The following NANOG variants were observed in gnomAD, a reference collection of about 807,000 sequenced individuals.
The protein encoded by NANOG is Nanog homeobox, also known as homeobox protein NANOG.
A neutral mutation model predicts 17.7 loss-of-function variants in NANOG; 2 were observed. The ratio of observed to expected loss-of-function variants is 0.11; its 90% CI spans 0.05 to 0.36. NANOG has a LOEUF of 0.36. Among genes scored for constraint, NANOG ranks in the 10% least tolerant of loss-of-function variants. The pLI is 1.00. For missense variants in NANOG, 174 were observed against 362.1 expected (o/e 0.48, Z 4.22); for synonymous variants, 81 against 124.7 (o/e 0.65, Z 2.33).
chr12:7,797,114 G>A lies in NANOG; in HGVS notation c.*2019G>A, dbSNP rs12821644. On this transcript the variant is annotated 3_prime_UTR_variant, in exon 4 of 4. Transcript: ENST00000229307. The stretch of plus-strand genomic sequence containing the variant: ...CTATTGCCCAGGCTGGAGTGCAGTG[G>A]CACAATCTTGGCTCACTGCAACCTC... The A allele has an allele frequency of 0.66, 100,544 of 151,518 alleles. 35,763 individuals carry two copies. The highest frequency in any genetic ancestry group is 0.8 in the Non-Finnish European group (54,155 of 68,032). The allele number at this position is 151,518 out of a possible 1,614,324, so 9.4% of individuals were successfully genotyped here.
chr12:7,791,937 C>T (rs1218238676), intron 1 of NANOG, among the ~76,000 whole-genome samples: 3 of 152,158 alleles, frequency 2.0e-5, no homozygotes, highest in Non-Finnish European at 4.4e-5. Flanking sequence ...CACTCTGTCA[C>T]CCAGGCTGGA....
At position 7,793,012 on chromosome 12, in the gene NANOG, C is replaced by T. The variant is rs778623133; in HGVS notation, c.214C>T (p.Pro72Ser). 22 of 1,609,258 alleles carry T rather than the reference C, an allele frequency of 1.4e-5. No individual in the cohort carries two copies. The South Asian group carries it at 2.4e-4, about 18-fold the overall frequency. Reference sequence around the variant, plus strand: ...GGACAGCCCTGATTCTTCCACCAGTCCCAAAGGCAAACAACCCACTTCTGC... The same window carrying T: ...GGACAGCCCTGATTCTTCCACCAGTTCCAAAGGCAAACAACCCACTTCTGC... Reference protein sequence around the residue: ...IQDSPDSSTSPKGKQPTSAEK... With the variant: ...IQDSPDSSTSSKGKQPTSAEK... The change falls in exon 2 of 4, where the codon CCC becomes TCC. Residue 72 changes from proline (P) to serine (S), a missense_variant. Transcript: ENST00000229307.
In NANOG at chr12:7,790,888, G is replaced by A. The variant is rs113916992; in HGVS notation, c.151+1123G>A. Among the ~76,000 whole-genome samples the A allele has an allele frequency of 2.6e-3, 392 of 152,112 alleles. 1 individual carries two copies. The highest frequency in any genetic ancestry group is 8.8e-3 in the African/African-American group (364 of 41,512). On this transcript the variant is annotated intron_variant, in intron 1 of 3. Coordinates refer to ENST00000229307, the MANE Select transcript of NANOG (RefSeq NM_024865.4). ...CCTCCCAACTACTAGGACAAGAGGC[G>A]TGTGTCACTATGCCCAGCTAATTAA...
chr12:7,793,943 C>T (rs763706293), intron 2 of NANOG, among the ~76,000 whole-genome samples: 2 of 152,298 alleles, frequency 1.3e-5, no homozygotes, highest in South Asian at 2.1e-4. Flanking sequence ...TGGGGCTTCA[C>T]CATGTTGGCC....
At position 7,795,493 on chromosome 12, in the gene NANOG, T is replaced by C. The variant is rs1221229338; in HGVS notation, c.*398T>C. ...CCCGCCACCTCGCCCGGCTAATATT[T>C]TGTATTTTTAGTAGAGACGGGGTTT... On this transcript the variant is annotated 3_prime_UTR_variant, in exon 4 of 4. Coordinates refer to ENST00000229307, the MANE Select transcript of NANOG (RefSeq NM_024865.4). 1 of 240,480 alleles carries C rather than the reference T, an allele frequency of 4.2e-6. No individual in the cohort carries two copies. The highest frequency in any genetic ancestry group is 5.7e-5 in the Admixed American group (1 of 17,392). The allele number at this position is 240,480 out of a possible 1,614,324, so 14.9% of individuals were successfully genotyped here. A position where few individuals can be genotyped will look rare whatever the true frequency, so the allele number is the denominator to read the frequency against.
chr12:7,789,499 A>G lies in NANOG; in HGVS notation c.-116A>G, dbSNP rs1565475622. ...ACTCACTTTATCCCAATTTCTTGATACTTTTCCTTCTGGAGGTCCTATTTC... is the reference window on the plus strand; with the variant it reads ...ACTCACTTTATCCCAATTTCTTGATGCTTTTCCTTCTGGAGGTCCTATTTC... On this transcript the variant is annotated 5_prime_UTR_variant, in exon 1 of 4. In the 5' UTR this introduces an upstream ATG that the reference lacks. Transcript: ENST00000229307. The G allele has an allele frequency of 7.1e-6, 6 of 849,176 alleles. No individual in the cohort carries two copies. The highest frequency in any genetic ancestry group is 2.6e-5 in the East Asian group (1 of 38,472). 52.6% of individuals were successfully genotyped at this position (849,176 alleles called of 1,614,324 possible). A position where few individuals can be genotyped will look rare whatever the true frequency, so the allele number is the denominator to read the frequency against.
chr12:7,790,272 C>T (rs1314070957), intron 1 of NANOG, among the ~76,000 whole-genome samples: 3 of 152,300 alleles, frequency 2.0e-5, no homozygotes, highest in African/African-American at 4.8e-5. Flanking sequence ...ATGTCAGTAA[C>T]GGCTGTCTCT....
intron 2 of NANOG, 104 bp from the exon 3 acceptor site, chr12:7,794,336 GTGTTGGGATTACAGGCA>G: frequency 1.1e-6 from 1 of 919,528 alleles, no homozygotes; most frequent in Non-Finnish European, 1.7e-6. Flanking sequence ...GCCTTCCAAA[GTGTTGGGATTACAGGCA>G]TGAGATATGG....
At position 7,795,564 on chromosome 12, in the gene NANOG, A is replaced by G. The variant is rs28538179; in HGVS notation, c.*469A>G. The G allele has an allele frequency of 0.055, 2,880 of 52,504 alleles. 230 individuals carry two copies. Among genetic ancestry groups the G allele is most frequent in the East Asian group, 0.13 (370 of 2,924 alleles). 3.3% of individuals were successfully genotyped at this position (52,504 alleles called of 1,614,324 possible). A position where few individuals can be genotyped will look rare whatever the true frequency, so the allele number is the denominator to read the frequency against. ...TCTCGATCTCCTGACCTTGTGATCCACCCGCCTCGGCCTCCCTAACAGCTG... is the reference window on the plus strand; with the variant it reads ...TCTCGATCTCCTGACCTTGTGATCCGCCCGCCTCGGCCTCCCTAACAGCTG... On this transcript the variant is annotated 3_prime_UTR_variant, in exon 4 of 4. Coordinates refer to ENST00000229307, the MANE Select transcript of NANOG (RefSeq NM_024865.4).
chr12:7,797,058 C>A lies in NANOG; in HGVS notation c.*1963C>A. On this transcript the variant is annotated 3_prime_UTR_variant, in exon 4 of 4. Coordinates refer to ENST00000229307, the MANE Select transcript of NANOG (RefSeq NM_024865.4). ...TACAGGCGTGAGCCACTGCGCCTGG[C>A]CTATCGTTTGTTTTTTTAGACAGTC... 6.9e-6 allele frequency: 1 copy of A among 144,930 alleles called. No individual in the cohort carries two copies. Among genetic ancestry groups the A allele is most frequent in the Non-Finnish European group, 1.5e-5 (1 of 66,492 alleles). 9.0% of individuals were successfully genotyped at this position (144,930 alleles called of 1,614,324 possible).
Position 7,789,474 on chromosome 12 carries a change from A to G in NANOG, c.-141A>G. 7.4e-6 allele frequency: 5 copies of G among 678,896 alleles called. No homozygotes were observed. The highest frequency in any genetic ancestry group is 1.3e-5 in the Non-Finnish European group (5 of 398,922). 42.1% of individuals were successfully genotyped at this position (678,896 alleles called of 1,614,324 possible). A position where few individuals can be genotyped will look rare whatever the true frequency, so the allele number is the denominator to read the frequency against. ...GTTGCCTCATGTTATTATGCAGGCA[A>G]CTCACTTTATCCCAATTTCTTGATA... On this transcript the variant is annotated 5_prime_UTR_variant, in exon 1 of 4. Coordinates refer to ENST00000229307, the MANE Select transcript of NANOG (RefSeq NM_024865.4).
Position 7,789,718 on chromosome 12 carries a change from A to G in NANOG, c.104A>G (p.Tyr35Cys). 6.2e-7 allele frequency: 1 copy of G among 1,614,180 alleles called. No homozygotes were observed. The highest frequency in any genetic ancestry group is 8.5e-7 in the Non-Finnish European group (1 of 1,180,026). The change falls in exon 1 of 4, where the codon TAT becomes TGT. Residue 35 changes from tyrosine to cysteine, a missense_variant. This residue lies in a region of NANOG where 158 missense variants were observed against 244.2 expected (regional missense o/e 0.65). Coordinates refer to ENST00000229307, the MANE Select transcript of NANOG (RefSeq NM_024865.4). ...MPVICGPEENYPSLQMSSAEM... is the reference protein window; with the variant it reads ...MPVICGPEENCPSLQMSSAEM... Reference sequence around the variant, plus strand: ...GTGATTTGTGGGCCTGAAGAAAACTATCCATCCTTGCAAATGTCTTCTGCT... The same window carrying G: ...GTGATTTGTGGGCCTGAAGAAAACTGTCCATCCTTGCAAATGTCTTCTGCT...
chr12:7,789,792 G>C (rs748000673), intron 1 of NANOG, 27 bp downstream of exon 1: 14 of 1,608,234 alleles, frequency 8.7e-6, no homozygotes, highest in Non-Finnish European at 1.2e-5. Context: ...TCCTTGAAAG[G>C]CCAAGTTCCT....
rs540123335 is a variant in NANOG at position 7,797,971 on chromosome 12, C to CT, written c.*2888dup. On this transcript the variant is annotated 3_prime_UTR_variant, in exon 4 of 4. Transcript: ENST00000229307. ...CTAGCCCTGTATTATGTTTTCTGAA[C>CT]TTTTTTTTTTTTAATCACCCAGTAT... The CT allele has an allele frequency of 0.048, 7,120 of 146,996 alleles. 183 individuals are homozygous for CT. Among genetic ancestry groups the CT allele is most frequent in the Middle Eastern group, 0.089 (25 of 280 alleles). The allele number at this position is 146,996 out of a possible 1,614,324, so 9.1% of individuals were successfully genotyped here.
At chr12:7,792,886 T>G in intron 1 of NANOG, 64 bp from the exon 2 acceptor site, 1 of 1,484,020 alleles carries the variant, frequency 6.7e-7, no homozygotes, top group Non-Finnish European at 9.1e-7. Context: ...AACAATTTTT[T>G]TAAAGGATAT....
chr12:7,792,954 T>G lies in NANOG; in HGVS notation c.156T>G (p.Ser52=), dbSNP rs901986788. 1.9e-6 allele frequency: 3 copies of G among 1,604,752 alleles called. No individual in the cohort carries two copies. The highest frequency in any genetic ancestry group is 2.7e-5 in the African/African-American group (2 of 74,794). ...SAEMPHTETV[S]PLPSSMDLLI... Reference sequence around the variant, plus strand: ...CCTTTTATTTGTTCCCAACAGTCTCTCCTCTTCCTTCCTCCATGGATCTGC... The same window carrying G: ...CCTTTTATTTGTTCCCAACAGTCTCGCCTCTTCCTTCCTCCATGGATCTGC... Residue 52 remains serine, a synonymous_variant, in exon 2 of 4, where the codon TCT becomes TCG. Transcript: ENST00000229307.
intron 2 of NANOG, among the ~76,000 whole-genome samples, chr12:7,793,491 A>T (rs1418137566): frequency 6.6e-6 from 1 of 152,236 alleles, no homozygotes; most frequent in Non-Finnish European, 1.5e-5. Context: ...AGAAGTATCT[A>T]ACTCCACTTA....
chr12:7,793,524 TCA>T (rs892136397), intron 2 of NANOG, among the ~76,000 whole-genome samples: 14 of 152,302 alleles, frequency 9.2e-5, no homozygotes, highest in Admixed American at 7.8e-4. Context: ...AAACCCTAAC[TCA>T]CACTGGTTCT....
chr12:7,790,865 T>TC (rs1197852065), intron 1 of NANOG, among the ~76,000 whole-genome samples: 1 of 152,068 alleles, frequency 6.6e-6, no homozygotes, highest in Admixed American at 6.6e-5. Flanking sequence ...TGCCTCAGCC[T>TC]CCCAACTACT....
Sources: gnomAD v4.1 joint callset for allele counts (sites outside exome capture counted in the v4.1 genomes callset) on GRCh38, gnomAD v4.1.1 for gene constraint, gnomAD v4.1.1 regional missense constraint, MANE v1.5 for transcripts, NCBI Gene and HGNC (gene_info 2026-07-23, HGNC 2026-07-21) for gene names.